ANGPTL4: variants seen among roughly 807,000 people sequenced by gnomAD.
The protein encoded by ANGPTL4 is angiopoietin like 4, also known as angiopoietin-related protein 4.
ANGPTL4 carries 39 observed loss-of-function variants against 39.2 expected under a neutral mutation model. The ratio of observed to expected loss-of-function variants is 1.00; its 90% CI spans 0.77 to 1.30. ANGPTL4 has a LOEUF of 1.30. Ranked by LOEUF, ANGPTL4 falls within the 50% of genes most tolerant of loss-of-function variation. The pLI is 0.00. For synonymous variants in ANGPTL4, 233 were observed against 229.5 expected, an observed-to-expected ratio of 1.02 and a Z score of -0.14; for missense variants, 545 against 549.8, an observed-to-expected ratio of 0.99 and a Z score of 0.09.
In ANGPTL4 at chr19:8,364,275, A is replaced by G; in HGVS notation, c.-47A>G. ...TCCAGTCCTCGCACCTGGAACCCCAACGTCCCCGAGAGTCCCCGAATCCCC... is the reference window on the plus strand; with the variant it reads ...TCCAGTCCTCGCACCTGGAACCCCAGCGTCCCCGAGAGTCCCCGAATCCCC... On this transcript the variant is annotated 5_prime_UTR_variant, in exon 1 of 7. Transcript: ENST00000301455. 1 of 1,514,672 alleles carries G rather than the reference A, an allele frequency of 6.6e-7. No individual in the cohort carries two copies. Among genetic ancestry groups the G allele is most frequent in the Middle Eastern group, 2.3e-4 (1 of 4,280 alleles). 93.8% of individuals were successfully genotyped at this position (1,514,672 alleles called of 1,614,324 possible). A position where few individuals can be genotyped will look rare whatever the true frequency, so the allele number is the denominator to read the frequency against.
chr19:8,371,606 T>C lies in ANGPTL4; in HGVS notation c.1039+84T>C, dbSNP rs1599673626. On this transcript the variant is annotated intron_variant, in intron 6 of 6. Coordinates refer to ENST00000301455, the MANE Select transcript of ANGPTL4 (RefSeq NM_139314.3). This position sits in a 1 kb window ranked among gnomAD's most constrained non-coding sequence, Gnocchi z 5.1. ...GCTCTGTCCTGCCTTCAACCCCACA[T>C]TGCATCTGTTTCCTGCCCCCACCTC... The C allele has an allele frequency of 1.3e-6, 2 of 1,566,842 alleles. No homozygotes were observed. The highest frequency in any genetic ancestry group is 2.7e-5 in the African/African-American group (2 of 74,138).
rs10419021 is a variant in ANGPTL4, at chr19:8,364,750, C to T, written c.318+111C>T. The T allele has an allele frequency of 5.7e-4, 762 of 1,340,836 alleles. 1 individual carries two copies. The African/African-American group carries it at 0.01, about 18-fold the overall frequency. The allele number at this position is 1,340,836 out of a possible 1,614,324, so 83.1% of individuals were successfully genotyped here. A position where few individuals can be genotyped will look rare whatever the true frequency, so the allele number is the denominator to read the frequency against. On this transcript the variant is annotated intron_variant, in intron 1 of 6. Coordinates refer to ENST00000301455, the MANE Select transcript of ANGPTL4 (RefSeq NM_139314.3). ...GGGTGCGCAACTGTGGCTCCCTGGG[C>T]TTCCCTGCGTCAAGGGATGGGCTCC...
In ANGPTL4 at chr19:8,371,342, C is replaced by T. The variant is rs1324204925; in HGVS notation, c.859C>T (p.Leu287=). 4 of 1,613,784 alleles carry T rather than the reference C, an allele frequency of 2.5e-6. No individual in the cohort carries two copies. The South Asian group carries it at 4.4e-5, about 18-fold the overall frequency. ...LRDWDGNAEL[L]QFSVHLGGED... is the part of the protein sequence containing the mutation. ...GGACTGGGATGGCAACGCCGAGTTG[C>T]TGCAGTTCTCCGTGCACCTGGGTGG... Residue 287 remains leucine, a synonymous_variant, in exon 6 of 7, where the codon CTG becomes TTG. Coordinates refer to ENST00000301455, the MANE Select transcript of ANGPTL4 (RefSeq NM_139314.3). The surrounding 1 kb of genome is among the most constrained non-coding windows in gnomAD (Gnocchi z 5.1).
intron 4 of ANGPTL4, among the ~76,000 whole-genome samples, chr19:8,370,493 A>G (rs2145480904): frequency 6.6e-6 from 1 of 152,034 alleles, no homozygotes; most frequent in South Asian, 2.1e-4. Flanking sequence ...CGGGCAAATC[A>G]CTTGAGGTCA....
Position 8,373,471 on chromosome 19 carries a change from T to C in ANGPTL4, c.1040-234T>C, listed in dbSNP as rs536217715. ...CTGTAATCCCAGCTACTCGGGAGGC[T>C]GAGGGAGGAGAATCACTTAAACCTG... On this transcript the variant is annotated intron_variant, in intron 6 of 6. Transcript: ENST00000301455. 3.3e-5 allele frequency among the ~76,000 whole-genome samples: 5 copies of C among 151,712 alleles called. No homozygotes were observed. In the South Asian group the frequency reaches 1.0e-3, roughly 32 times the overall value.
Position 8,373,715 on chromosome 19 carries a change from G to A in ANGPTL4, c.1050G>A (p.Trp350Ter), listed in dbSNP as rs151099448. ...NCAKSLSGGW[W>*]FGTCSHSNLN... ...CCCTGACCCCGGCAGGAGGCTGGTG[G>A]TTTGGCACCTGCAGCCATTCCAACC... Residue 350 changes from tryptophan to a stop codon, truncating the protein, a stop_gained, in exon 7 of 7, where the codon TGG (tryptophan) becomes TGA (stop). Coordinates refer to ENST00000301455, the MANE Select transcript of ANGPTL4 (RefSeq NM_139314.3). LOFTEE classifies it low-confidence loss of function (END_TRUNC). 71 of 1,613,882 alleles carry A rather than the reference G, an allele frequency of 4.4e-5. No individual in the cohort carries two copies. The highest frequency in any genetic ancestry group is 1.3e-4 in the Admixed American group (8 of 60,014).
rs28457642 is a variant in ANGPTL4, at chr19:8,373,631, C to T, written c.1040-74C>T. ...TCCCCAACCTGCCTCATCCTCAACC[C>T]TATCCCTATCTCCTTTCAGCCCCAT... On this transcript the variant is annotated intron_variant, in intron 6 of 6. Coordinates refer to ENST00000301455, the MANE Select transcript of ANGPTL4 (RefSeq NM_139314.3). 3,793 of 1,608,096 alleles carry T rather than the reference C, an allele frequency of 2.4e-3. 94 individuals carry two copies. In the African/African-American group the frequency reaches 0.044, roughly 19 times the overall value.
chr19:8,366,827 G>T (rs1219142578), intron 3 of ANGPTL4, among the ~76,000 whole-genome samples: 1 of 151,850 alleles, frequency 6.6e-6, no homozygotes, highest in African/African-American at 2.4e-5. Flanking sequence ...CAATGCTCCA[G>T]GTCCCTGACC....
chr19:8,369,350 A>T lies in ANGPTL4; in HGVS notation c.661+18A>T. On this transcript the variant is annotated intron_variant, in intron 4 of 6. Transcript: ENST00000301455. The stretch of plus-strand genomic sequence containing the variant: ...GACCTCAGGTAGGGTGTGTTAGTCC[A>T]CCAGGGGCCCCTCTCCCCATAGGCC... The T allele has an allele frequency of 1.9e-6, 3 of 1,592,236 alleles. No homozygotes were observed. Among genetic ancestry groups the T allele is most frequent in the Non-Finnish European group, 2.6e-6 (3 of 1,165,726 alleles).
chr19:8,373,567 T>A, intron 6 of ANGPTL4, 138 bp from the exon 7 acceptor site: 2 of 1,117,356 alleles, frequency 1.8e-6, no homozygotes, highest in Non-Finnish European at 2.6e-6. Context: ...TAAGACTCAA[T>A]CTCAAAAAAA....
intron 3 of ANGPTL4, 52 bp from the exon 4 acceptor site, chr19:8,369,165 ACC>A: frequency 6.9e-7 from 1 of 1,447,588 alleles, no homozygotes; most frequent in East Asian, 2.3e-5. Flanking sequence ...GGCTCCTGAG[ACC>A]CCCCCCAGGG....
chr19:8,373,241 C>T (rs996704091), intron 6 of ANGPTL4, among the ~76,000 whole-genome samples: 6 of 152,124 alleles, frequency 3.9e-5, no homozygotes, highest in African/African-American at 1.4e-4. Flanking sequence ...CCCCTCACTA[C>T]TAAAAATACA....
chr19:8,366,340 G>A (rs370024099), intron 3 of ANGPTL4, 21 bp downstream of exon 3: 14 of 1,609,758 alleles, frequency 8.7e-6, no homozygotes, highest in Non-Finnish European at 1.2e-5. Context: ...GCCCCTCGAT[G>A]CTCTCCGGTG....
At chr19:8,368,841 G>A (rs1371705641) in intron 3 of ANGPTL4, among the ~76,000 whole-genome samples, 1 of 152,136 alleles carries the variant, frequency 6.6e-6, no homozygotes, top group African/African-American at 2.4e-5. Flanking sequence ...GCGACAGAGC[G>A]AGACTCCGTA....
intron 3 of ANGPTL4, among the ~76,000 whole-genome samples, chr19:8,367,082 C>T (rs1162523248): frequency 6.6e-6 from 1 of 152,130 alleles, no homozygotes; most frequent in Non-Finnish European, 1.5e-5. Context: ...CTGTCCACAG[C>T]CAACTGGGTG....
chr19:8,371,025 C>T lies in ANGPTL4; in HGVS notation c.662-31C>T. On this transcript the variant is annotated intron_variant, in intron 4 of 6. Transcript: ENST00000301455. The surrounding 1 kb of genome is among the most constrained non-coding windows in gnomAD (Gnocchi z 5.1). ...GAGTGGGGTCGTCTGTGAAGAGGGA[C>T]TTCCTGGTGACCTTGTACCTTTCTG... The T allele has an allele frequency of 6.4e-7, 1 of 1,561,448 alleles. No individual in the cohort carries two copies. Among genetic ancestry groups the T allele is most frequent in the Non-Finnish European group, 8.7e-7 (1 of 1,152,056 alleles).
At position 8,373,886 on chromosome 19, in the gene ANGPTL4, G is replaced by T; in HGVS notation, c.1221G>T (p.Ter407TyrextTer14). 1 of 1,613,088 alleles carries T rather than the reference G, an allele frequency of 6.2e-7. No individual in the cohort carries two copies. Residue 407 changes from the stop codon to tyrosine (Y), a stop_lost, in exon 7 of 7, where the codon TAG becomes TAT. Coordinates refer to ENST00000301455, the MANE Select transcript of ANGPTL4 (RefSeq NM_139314.3). Reference sequence around the variant, plus strand: ...CCATGGCAGCAGAGGCAGCCTCCTAGCGTCCTGGCTGGGCCTGGTCCCAGG... The same window carrying T: ...CCATGGCAGCAGAGGCAGCCTCCTATCGTCCTGGCTGGGCCTGGTCCCAGG... ...IQPMAAEAAS[*>Y]
At chr19:8,365,615 A>G (rs892506219) in intron 1 of ANGPTL4, among the ~76,000 whole-genome samples, 2 of 152,180 alleles carry the variant, frequency 1.3e-5, no homozygotes, top group African/African-American at 4.8e-5. Flanking sequence ...AGATTGCGCC[A>G]CTGCACTCCA....
chr19:8,369,384 T>G, intron 4 of ANGPTL4, 52 bp downstream of exon 4: 2 of 1,355,642 alleles, frequency 1.5e-6, no homozygotes, highest in South Asian at 1.2e-5. Context: ...CCCTGTTGTC[T>G]TTCTTTAAAT....
Sources: gnomAD v4.1 joint callset for allele counts (sites outside exome capture counted in the v4.1 genomes callset) on GRCh38, gnomAD v4.1.1 for gene constraint, Gnocchi (gnomAD v3.1) non-coding constraint, MANE v1.5 for transcripts, NCBI Gene and HGNC (gene_info 2026-07-23, HGNC 2026-07-21) for gene names.